The following RPH3A variants were observed in gnomAD, a reference collection of about 807,000 sequenced individuals.
The protein encoded by RPH3A is rabphilin-3A.
Under a neutral mutation model 102.2 loss-of-function variants are expected in RPH3A, and 48 were observed. The ratio of observed to expected loss-of-function variants is 0.47; its 90% CI spans 0.37 to 0.60. RPH3A has a LOEUF of 0.60. RPH3A is among the 20% of genes least tolerant of loss of function. The pLI, the probability that RPH3A is intolerant of heterozygous loss-of-function variation, is 0.00. For missense variants in RPH3A, 781 were observed against 910.1 expected, an observed-to-expected ratio of 0.86 and a Z score of 1.83; for synonymous variants, 310 against 324.3, an observed-to-expected ratio of 0.96 and a Z score of 0.47.
chr12:112,664,336 T>G (rs1322051079), intron 1 of RPH3A, among the ~76,000 whole-genome samples: 1 of 152,068 alleles, frequency 6.6e-6, no homozygotes, highest in Non-Finnish European at 1.5e-5. Flanking sequence ...TTTGGGGGAT[T>G]TAAGCAGGAG....
intron 1 of RPH3A, among the ~76,000 whole-genome samples, chr12:112,628,930 G>A (rs755326358): frequency 9.2e-5 from 14 of 152,092 alleles, no homozygotes; most frequent in South Asian, 6.2e-4. Flanking sequence ...AGGTGGCAGC[G>A]TGGGTGTGAG....
At position 112,678,283 on chromosome 12, in the gene RPH3A, A is replaced by G. The variant is rs138317003; in HGVS notation, c.-140+102964A>G. On this transcript the variant is annotated intron_variant, in intron 1 of 21. Transcript: ENST00000543106. ...AAAGAAAGAAAGAAAGAAAGAAAGA[A>G]AGAAAGAAAGAAAGAAAGAAAGAGA... Among the ~76,000 whole-genome samples the G allele has an allele frequency of 6.6e-3, 310 of 46,690 alleles. 1 individual carries two copies. Among genetic ancestry groups the G allele is most frequent in the African/African-American group, 0.023 (169 of 7,218 alleles). The allele number at this position is 46,690 out of a possible 152,430, so 30.6% of individuals were successfully genotyped here. A position where few individuals can be genotyped will look rare whatever the true frequency, so the allele number is the denominator to read the frequency against.
intron 17 of RPH3A, 128 bp downstream of exon 17, chr12:112,888,051 C>A (rs911476962): frequency 4.9e-6 from 5 of 1,017,534 alleles, no homozygotes; most frequent in Non-Finnish European, 7.1e-6. Flanking sequence ...AGCAGGTCTG[C>A]AGAGGAGAGT....
At chr12:112,719,876 C>T (rs952678380) in intron 1 of RPH3A, among the ~76,000 whole-genome samples, 6 of 152,210 alleles carry the variant, frequency 3.9e-5, no homozygotes, top group Non-Finnish European at 8.8e-5. Flanking sequence ...CATCTCACCA[C>T]CACCTTGTTT....
chr12:112,734,548 C>T (rs1046852940), intron 1 of RPH3A, among the ~76,000 whole-genome samples: 5 of 152,120 alleles, frequency 3.3e-5, no homozygotes, highest in East Asian at 1.9e-4. Context: ...GTCCATAAAG[C>T]GAAAGCAAGT....
rs114971082 is a variant in RPH3A at position 112,714,442 on chromosome 12, G to A, written c.-139-77701G>A. ...AGAACCAGCTTGCACAGTCATCAGC[G>A]TTAGTGTGCCTATGGGAGAACAGAA... is the stretch of plus-strand genomic sequence containing the variant. On this transcript the variant is annotated intron_variant, in intron 1 of 21. Coordinates refer to the RPH3A transcript ENST00000543106. Among the ~76,000 whole-genome samples, 411 of 152,250 alleles carry A rather than the reference G, an allele frequency of 2.7e-3. 4 individuals carry two copies. Among genetic ancestry groups the A allele is most frequent in the African/African-American group, 9.6e-3 (399 of 41,536 alleles).
At chr12:112,686,770 G>A (rs1395180731) in intron 1 of RPH3A, among the ~76,000 whole-genome samples, 1 of 152,154 alleles carries the variant, frequency 6.6e-6, no homozygotes, top group African/African-American at 2.4e-5. Flanking sequence ...TGAGTTTTGG[G>A]GATGTACTAT....
rs138542475 is a variant in RPH3A at position 112,842,066 on chromosome 12, C to T, written c.83+5564C>T. ...ATGCCAGTCAGTGATCCAGGCTGTGCGTTTTGTTTCATTCCATTGGGTTCT... is the reference window on the plus strand; with the variant it reads ...ATGCCAGTCAGTGATCCAGGCTGTGTGTTTTGTTTCATTCCATTGGGTTCT... On this transcript the variant is annotated intron_variant, in intron 4 of 21. Coordinates refer to ENST00000389385, the MANE Select transcript of RPH3A (RefSeq NM_001143854.2). 217 of 455,730 alleles carry T rather than the reference C, an allele frequency of 4.8e-4. 2 individuals are homozygous for T. The East Asian group carries it at 0.013, about 28-fold the overall frequency. 28.2% of individuals were successfully genotyped at this position (455,730 alleles called of 1,614,324 possible).
At chr12:112,862,245 C>CA (rs140453374) in intron 5 of RPH3A, among the ~76,000 whole-genome samples, 1,530 of 148,432 alleles carry the variant, frequency 0.01, 28 homozygotes, top group African/African-American at 0.03. Context: ...GTCCCCCCCC[C>CA]AAAAAAAAAG....
chr12:112,756,742 C>T (rs941519223), intron 1 of RPH3A, among the ~76,000 whole-genome samples: 2 of 152,170 alleles, frequency 1.3e-5, no homozygotes, highest in East Asian at 1.9e-4. Context: ...CAAGTCCAAA[C>T]ATTTCTTTAG....
In RPH3A at chr12:112,581,686, C is replaced by T. The variant is rs150830302; in HGVS notation, c.-140+6367C>T. Among the ~76,000 whole-genome samples the T allele has an allele frequency of 2.0e-3, 299 of 150,396 alleles. 3 individuals are homozygous for T. Among genetic ancestry groups the T allele is most frequent in the Middle Eastern group, 0.01 (3 of 294 alleles). On this transcript the variant is annotated intron_variant, in intron 1 of 21. Coordinates refer to the RPH3A transcript ENST00000543106. ...AAGTGCTGGGATTACAGGTGTCAGC[C>T]TGGCCACGAACAACATTTTTAATGT... is the stretch of plus-strand genomic sequence containing the variant.
intron 1 of RPH3A, among the ~76,000 whole-genome samples, chr12:112,732,421 G>A (rs2040641013): frequency 6.6e-6 from 1 of 152,164 alleles, no homozygotes; most frequent in Non-Finnish European, 1.5e-5. Flanking sequence ...CGTAACATGG[G>A]ATTAATAATT....
At chr12:112,684,185 G>A (rs973625355) in intron 1 of RPH3A, among the ~76,000 whole-genome samples, 3 of 152,160 alleles carry the variant, frequency 2.0e-5, no homozygotes, top group South Asian at 2.1e-4. Context: ...TCCAAATTGC[G>A]CTCCTAAAAC....
intron 1 of RPH3A, among the ~76,000 whole-genome samples, chr12:112,724,838 A>G (rs1380451371): frequency 6.6e-6 from 1 of 152,168 alleles, no homozygotes; most frequent in African/African-American, 2.4e-5. Context: ...GCGTGGTGAC[A>G]CACGCCTGTA....
chr12:112,622,195 A>G (rs1264181976), intron 1 of RPH3A, among the ~76,000 whole-genome samples: 3 of 103,036 alleles, frequency 2.9e-5, no homozygotes, highest in Non-Finnish European at 5.2e-5. Context: ...GCAACGGAAC[A>G]AAGCTGGATG....
At chr12:112,737,053 G>A (rs1308277511) in intron 1 of RPH3A, among the ~76,000 whole-genome samples, 1 of 151,670 alleles carries the variant, frequency 6.6e-6, no homozygotes, top group Non-Finnish European at 1.5e-5. Context: ...TACTCAGGAG[G>A]CTGAGGTGGA....
chr12:112,826,694 T>C (rs2041880739), intron 2 of RPH3A, among the ~76,000 whole-genome samples: 1 of 152,260 alleles, frequency 6.6e-6, no homozygotes, highest in South Asian at 2.1e-4. Flanking sequence ...CAGTGTGTTC[T>C]CTTTTGTTCC....
At chr12:112,843,564 C>T (rs894440271) in intron 4 of RPH3A, among the ~76,000 whole-genome samples, 1 of 152,160 alleles carries the variant, frequency 6.6e-6, no homozygotes, top group African/African-American at 2.4e-5. Context: ...TTCCTGTGCA[C>T]AGTAACACCG....
At chr12:112,648,560 C>T (rs1172871714) in intron 1 of RPH3A, among the ~76,000 whole-genome samples, 1 of 10,798 alleles carries the variant, frequency 9.3e-5, no homozygotes, top group African/African-American at 5.0e-4. Context: ...AGAGTGAAAC[C>T]CCATCTCTAC....
Sources: gnomAD v4.1 joint callset for allele counts (sites outside exome capture counted in the v4.1 genomes callset) on GRCh38, gnomAD v4.1.1 for gene constraint, MANE v1.5 for transcripts, NCBI Gene and HGNC (gene_info 2026-07-23, HGNC 2026-07-21) for gene names.